ZNRF3: variants seen among roughly 807,000 people sequenced by gnomAD.
The protein encoded by ZNRF3 is E3 ubiquitin-protein ligase ZNRF3.
ZNRF3 carries 23 observed loss-of-function variants against 72.5 expected under a neutral mutation model. The ratio of observed to expected loss-of-function variants is 0.32; its 90% CI spans 0.23 to 0.45. The LOEUF (loss-of-function observed/expected upper bound fraction) is 0.45, where lower values mean the gene tolerates loss of function less well. Among genes scored for constraint, ZNRF3 ranks in the 20% least tolerant of loss-of-function variants. The probability of loss-of-function intolerance (pLI) is 1.00; values close to 1 mark genes in which losing one functional copy is unlikely to be tolerated. For missense variants in ZNRF3, 1,169 were observed against 1,272.1 expected (o/e 0.92, Z 1.23); for synonymous variants, 610 against 545.3 (o/e 1.12, Z -1.65).
intron 5 of ZNRF3, 31 bp downstream of exon 5, chr22:29,044,921 T>C (rs972249543): frequency 1.3e-6 from 2 of 1,490,606 alleles, no homozygotes; most frequent in Non-Finnish European, 1.9e-6. Flanking sequence ...CCGTGAGCAG[T>C]AACCCCTCTT....
chr22:29,042,446 A>C, intron 2 of ZNRF3, 49 bp from the exon 3 acceptor site: 1 of 1,570,990 alleles, frequency 6.4e-7, no homozygotes, highest in South Asian at 1.1e-5. Flanking sequence ...CAACTTTGAA[A>C]AGGTAAGAGG....
Position 29,005,203 on chromosome 22 carries a change from C to T in ZNRF3, c.426+18002C>T, listed in dbSNP as rs528607020. On this transcript the variant is annotated intron_variant, in intron 2 of 8. Transcript: ENST00000544604. ...CTGCCCCAGCCAGGCTCACAATAAG[C>T]GGCTCCTCCAAGCCAGGCCTCTGAC... 4.3e-4 allele frequency among the ~76,000 whole-genome samples: 65 copies of T among 152,362 alleles called. No individual in the cohort carries two copies. In the Middle Eastern group the frequency reaches 0.01, roughly 24 times the overall value.
intron 1 of ZNRF3, among the ~76,000 whole-genome samples, chr22:28,901,823 G>A (rs577094115): frequency 1.3e-5 from 2 of 151,600 alleles, no homozygotes; most frequent in Admixed American, 1.3e-4. Flanking sequence ...TGTATTTTTA[G>A]TAGAGATGGG....
At chr22:28,886,904 C>T (rs1840133612) in intron 1 of ZNRF3, among the ~76,000 whole-genome samples, 1 of 152,100 alleles carries the variant, frequency 6.6e-6, no homozygotes, top group Admixed American at 6.6e-5. Context: ...TGCAGTGAGC[C>T]ATGATTACAC....
chr22:28,995,824 A>AG (rs1219909298), intron 2 of ZNRF3, among the ~76,000 whole-genome samples: 1 of 151,462 alleles, frequency 6.6e-6, no homozygotes, highest in Non-Finnish European at 1.5e-5. Flanking sequence ...CACCCAGGCT[A>AG]GAGTGCAGTG....
Position 29,049,319 on chromosome 22 carries a change from G to C in ZNRF3, c.1138G>C (p.Ala380Pro), listed in dbSNP as rs1027053177. 1 of 1,613,770 alleles carries C rather than the reference G, an allele frequency of 6.2e-7. No homozygotes were observed. Among genetic ancestry groups the C allele is most frequent in the African/African-American group, 1.3e-5 (1 of 74,914 alleles). Residue 380 changes from alanine to proline, a missense_variant, in exon 8 of 9, where the codon GCC (alanine) becomes CCC (proline). Physicochemically the swap from Ala to Pro is conservative, Grantham distance 27. This residue lies in a region of ZNRF3 where 386 missense variants were observed against 540.7 expected (regional missense o/e 0.71). Coordinates refer to ENST00000544604, the MANE Select transcript of ZNRF3 (RefSeq NM_001206998.2). The surrounding 1 kb of genome is among the most constrained non-coding windows in gnomAD (Gnocchi z 5.2). ...GRVHRTNAIPAYPTRTSMDSH... is the reference protein window; with the variant it reads ...GRVHRTNAIPPYPTRTSMDSH... ...CGTGCACAGGACCAACGCCATCCCA[G>C]CCTACCCTACGAGGACAAGCATGGA...
rs1025967828 is a variant in ZNRF3 at position 28,884,083 on chromosome 22, C to T, written c.300+17C>T. On this transcript the variant is annotated intron_variant, in intron 1 of 8. Transcript: ENST00000544604. ...ATCGTGCAGGTAGCTGCCCGCCGCC[C>T]GGGCCCCGCGCCGCCTCCGCCACAA... is the stretch of plus-strand genomic sequence containing the variant. The T allele has an allele frequency of 2.6e-6, 3 of 1,139,718 alleles. No individual in the cohort carries two copies. The highest frequency in any genetic ancestry group is 3.9e-5 in the Admixed American group (1 of 25,640). The allele number at this position is 1,139,718 out of a possible 1,614,324, so 70.6% of individuals were successfully genotyped here. A position where few individuals can be genotyped will look rare whatever the true frequency, so the allele number is the denominator to read the frequency against.
intron 1 of ZNRF3, among the ~76,000 whole-genome samples, chr22:28,932,258 C>T (rs1016392226): frequency 1.3e-5 from 2 of 152,054 alleles, no homozygotes; most frequent in Non-Finnish European, 2.9e-5. Context: ...TGTCTCCTGG[C>T]CTTGGTTTCC....
At chr22:28,928,075 C>T (rs1249572532) in intron 1 of ZNRF3, among the ~76,000 whole-genome samples, 1 of 152,196 alleles carries the variant, frequency 6.6e-6, no homozygotes, top group Non-Finnish European at 1.5e-5. Flanking sequence ...ATTTTTGGTA[C>T]AGTTTAGAGC....
intron 1 of ZNRF3, among the ~76,000 whole-genome samples, chr22:28,918,250 T>G (rs1669722132): frequency 6.6e-6 from 1 of 152,222 alleles, no homozygotes; most frequent in African/African-American, 2.4e-5. Flanking sequence ...CTGGCCAGTT[T>G]ACACTCCTCC....
At chr22:28,897,311 T>G (rs1364728451) in intron 1 of ZNRF3, among the ~76,000 whole-genome samples, 1 of 152,146 alleles carries the variant, frequency 6.6e-6, no homozygotes, top group African/African-American at 2.4e-5. Context: ...TCAGTGCTTT[T>G]CTTTCTTTTT....
intron 1 of ZNRF3, among the ~76,000 whole-genome samples, chr22:28,928,917 A>C (rs2034655040): frequency 6.6e-6 from 1 of 152,228 alleles, no homozygotes; most frequent in Admixed American, 6.5e-5. Flanking sequence ...TGCTAACAAG[A>C]GGCAAAAGAC....
At chr22:28,941,120 AGGGGACTT>A (rs1179374918) in intron 1 of ZNRF3, among the ~76,000 whole-genome samples, 1 of 152,198 alleles carries the variant, frequency 6.6e-6, no homozygotes, top group Non-Finnish European at 1.5e-5. Context: ...AGAGTAGGGT[AGGGGACTT>A]GGAAATCCTA....
At chr22:29,041,382 T>C (rs113683991) in intron 2 of ZNRF3, among the ~76,000 whole-genome samples, 4 of 152,296 alleles carry the variant, frequency 2.6e-5, no homozygotes, top group African/African-American at 9.6e-5. Context: ...AGCCATGCTA[T>C]ATCTTAAGTC....
chr22:28,973,953 CTTTT>C (rs553300044), intron 1 of ZNRF3, among the ~76,000 whole-genome samples: 5 of 111,472 alleles, frequency 4.5e-5, no homozygotes, highest in African/African-American at 6.5e-5. Context: ...CTCTCTCTCT[CTTTT>C]TTTTTTTTTT....
rs542523372 is a variant in ZNRF3, at chr22:28,900,453, A to G, written c.300+16387A>G. Among the ~76,000 whole-genome samples the G allele has an allele frequency of 1.6e-4, 25 of 152,348 alleles. No individual in the cohort carries two copies. In the South Asian group the frequency reaches 5.2e-3, roughly 32 times the overall value. ...AATTCTATGGTACTTGGTATTGTGC[A>G]GTAAAATGTCTGGAAGGGAATTGAT... On this transcript the variant is annotated intron_variant, in intron 1 of 8. Coordinates refer to ENST00000544604, the MANE Select transcript of ZNRF3 (RefSeq NM_001206998.2).
intron 2 of ZNRF3, among the ~76,000 whole-genome samples, chr22:29,029,700 T>G (rs2036709909): frequency 1.3e-5 from 2 of 152,112 alleles, no homozygotes; most frequent in Non-Finnish European, 2.9e-5. Context: ...TTTTTTTGTT[T>G]TTGTTTTTGT....
At position 28,900,444 on chromosome 22, in the gene ZNRF3, G is replaced by A. The variant is rs146995911; in HGVS notation, c.300+16378G>A. On this transcript the variant is annotated intron_variant, in intron 1 of 8. Coordinates refer to ENST00000544604, the MANE Select transcript of ZNRF3 (RefSeq NM_001206998.2). The stretch of plus-strand genomic sequence containing the variant: ...TGCATGATTAATTCTATGGTACTTG[G>A]TATTGTGCAGTAAAATGTCTGGAAG... Among the ~76,000 whole-genome samples the A allele has an allele frequency of 4.0e-3, 614 of 152,302 alleles. 5 individuals carry two copies. The highest frequency in any genetic ancestry group is 6.7e-3 in the Admixed American group (103 of 15,300).
At chr22:28,966,627 A>T (rs2035466057) in intron 1 of ZNRF3, among the ~76,000 whole-genome samples, 1 of 152,082 alleles carries the variant, frequency 6.6e-6, no homozygotes, top group Admixed American at 6.6e-5. Context: ...AAAAAAGTTT[A>T]AAAAAGTAAA....
Sources: allele counts gnomAD v4.1 joint callset (sites outside exome capture counted in the v4.1 genomes callset), GRCh38; gene constraint gnomAD v4.1.1; regional missense constraint gnomAD v4.1.1; non-coding constraint Gnocchi (gnomAD v3.1); transcripts MANE v1.5; gene names NCBI Gene and HGNC (gene_info 2026-07-23, HGNC 2026-07-21).